WDPCP: variants seen among roughly 807,000 people sequenced by gnomAD.
The protein encoded by WDPCP is WD repeat containing planar cell polarity effector, also known as WD repeat-containing and planar cell polarity effector protein fritz homolog.
WDPCP carries 71 observed loss-of-function variants against 93.1 expected under a neutral mutation model. That is an observed-to-expected ratio of 0.76 (90% CI 0.63 to 0.93). The LOEUF is 0.93. Ranked by LOEUF, WDPCP falls within the 40% of genes least tolerant of loss-of-function variation. WDPCP has a pLI of 0.00. For synonymous variants in WDPCP, 315 were observed against 315.0 expected, an observed-to-expected ratio of 1.00 and a Z score of 0.00; for missense variants, 844 against 887.4, an observed-to-expected ratio of 0.95 and a Z score of 0.62.
chr2:63,249,179 C>T (rs1368373357), intron 14 of WDPCP, among the ~76,000 whole-genome samples: 2 of 152,210 alleles, frequency 1.3e-5, no homozygotes, highest in South Asian at 2.1e-4. Context: ...CCGGGACAGT[C>T]CCACTAATTA....
intron 13 of WDPCP, among the ~76,000 whole-genome samples, chr2:63,290,134 T>C (rs941244162): frequency 2.6e-5 from 4 of 152,054 alleles, no homozygotes; most frequent in African/African-American, 4.8e-5. Context: ...CATCTTATTA[T>C]TTGTTTTCTG....
chr2:63,643,139 T>C (rs1383299668), intron 3 of WDPCP: 1 of 174,172 alleles, frequency 5.7e-6, no homozygotes, highest in East Asian at 1.8e-4. Flanking sequence ...CATAGACTTG[T>C]GTATGTTCAA....
At chr2:63,387,901 G>C (rs1008291561) in intron 10 of WDPCP, among the ~76,000 whole-genome samples, 2 of 151,840 alleles carry the variant, frequency 1.3e-5, no homozygotes, top group Non-Finnish European at 2.9e-5. Flanking sequence ...AAAACACCTG[G>C]GAATACAGCT....
chr2:63,257,502 G>A (rs540113588), intron 14 of WDPCP, among the ~76,000 whole-genome samples: 2 of 152,094 alleles, frequency 1.3e-5, no homozygotes, highest in Non-Finnish European at 2.9e-5. Context: ...CATGTAATAG[G>A]GCAACCTCTT....
intron 1 of WDPCP, among the ~76,000 whole-genome samples, chr2:63,555,395 C>T (rs1432333339): frequency 1.6e-5 from 1 of 62,598 alleles, no homozygotes; most frequent in Non-Finnish European, 2.6e-5. Context: ...CGTAGATCAG[C>T]GGACTTAGTT....
intron 2 of WDPCP, among the ~76,000 whole-genome samples, chr2:63,704,450 T>C (rs1202741475): frequency 6.6e-6 from 1 of 152,236 alleles, no homozygotes; most frequent in East Asian, 1.9e-4. Flanking sequence ...CATAGATAGC[T>C]CATTTTTTTG....
At chr2:63,204,544 G>C (rs954119115) in intron 14 of WDPCP, among the ~76,000 whole-genome samples, 1 of 151,862 alleles carries the variant, frequency 6.6e-6, no homozygotes, top group Non-Finnish European at 1.5e-5. Context: ...GTTTCACCAT[G>C]TTGGCCAGGC....
chr2:63,482,768 G>C (rs1247877371), intron 6 of WDPCP, among the ~76,000 whole-genome samples: 1 of 151,872 alleles, frequency 6.6e-6, no homozygotes, highest in African/African-American at 2.4e-5. Context: ...ACCACATCAA[G>C]AATGTGCTGA....
At chr2:63,258,459 C>A (rs191810923) in intron 14 of WDPCP, among the ~76,000 whole-genome samples, 139 of 152,262 alleles carry the variant, frequency 9.1e-4, no homozygotes, top group South Asian at 6.4e-3. Context: ...CAATTGGTCC[C>A]TTTGGCTGCA....
chr2:63,276,423 T>G (rs1009769758), intron 13 of WDPCP, among the ~76,000 whole-genome samples: 4 of 152,158 alleles, frequency 2.6e-5, no homozygotes, highest in Non-Finnish European at 5.9e-5. Context: ...ATTATTAAGC[T>G]AATCAAGGAG....
At position 63,529,121 on chromosome 2, in the gene WDPCP, C is replaced by T. The variant is rs554483807; in HGVS notation, c.76-36181G>A. Among the ~76,000 whole-genome samples, 1,165 of 152,204 alleles carry T rather than the reference C, an allele frequency of 7.7e-3. 20 individuals are homozygous for T. Among genetic ancestry groups the T allele is most frequent in the African/African-American group, 0.026 (1,087 of 41,530 alleles). On this transcript the variant is annotated intron_variant, in intron 1 of 17. Transcript: ENST00000272321. ...AGCTTAAGGAGATTTTGGGCTGAGA[C>T]GAGGGGGTTTTCTAAATATACAATC...
At chr2:63,274,863 C>A (rs547547612) in intron 13 of WDPCP, among the ~76,000 whole-genome samples, 1 of 152,206 alleles carries the variant, frequency 6.6e-6, no homozygotes, top group South Asian at 2.1e-4. Flanking sequence ...TTATTGAATT[C>A]TACCAAACTT....
intron 13 of WDPCP, among the ~76,000 whole-genome samples, chr2:63,271,901 G>A (rs921986310): frequency 1.3e-5 from 2 of 152,146 alleles, no homozygotes; most frequent in Non-Finnish European, 2.9e-5. Context: ...GTGCCAGTAT[G>A]TATTGCTTAT....
chr2:63,407,023 A>G (rs1210661592), intron 9 of WDPCP, among the ~76,000 whole-genome samples: 5 of 152,128 alleles, frequency 3.3e-5, no homozygotes, highest in Middle Eastern at 3.2e-3. Context: ...ACACACCATC[A>G]CACCCTAATA....
chr2:63,360,784 ATT>A (rs1434877236), intron 12 of WDPCP, among the ~76,000 whole-genome samples: 1 of 152,058 alleles, frequency 6.6e-6, no homozygotes, highest in Non-Finnish European at 1.5e-5. Flanking sequence ...TATTTCAATA[ATT>A]TTCTGCAGCT....
At chr2:63,242,247 T>C (rs1374869737) in intron 14 of WDPCP, among the ~76,000 whole-genome samples, 1 of 152,178 alleles carries the variant, frequency 6.6e-6, no homozygotes, top group African/African-American at 2.4e-5. Context: ...AGCTTTTTTA[T>C]AGCATAGTAT....
intron 7 of WDPCP, chr2:63,437,798 A>C: frequency 6.7e-7 from 1 of 1,503,612 alleles, no homozygotes; most frequent in Non-Finnish European, 9.1e-7. Context: ...TTTGGGGACC[A>C]CCAATGGATG....
chr2:63,479,578 C>T (rs1158156435), intron 6 of WDPCP, among the ~76,000 whole-genome samples: 2 of 152,076 alleles, frequency 1.3e-5, no homozygotes, highest in African/African-American at 4.8e-5. Flanking sequence ...GAATTAAAAA[C>T]AAAAATCACA....
chr2:63,164,728 G>A (rs547626917), intron 15 of WDPCP, among the ~76,000 whole-genome samples: 4 of 152,300 alleles, frequency 2.6e-5, no homozygotes, highest in South Asian at 2.1e-4. Context: ...ACACACAAAT[G>A]TGTATGTATA....
Sources: allele counts gnomAD v4.1 joint callset (sites outside exome capture counted in the v4.1 genomes callset), GRCh38; gene constraint gnomAD v4.1.1; transcripts MANE v1.5; gene names NCBI Gene and HGNC (gene_info 2026-07-23, HGNC 2026-07-21).